The following CRYGD variants were observed in gnomAD, a reference collection of about 807,000 sequenced individuals.
CRYGD encodes crystallin gamma D, also known as gamma-crystallin D.
Under a neutral mutation model 11.3 loss-of-function variants are expected in CRYGD, and 13 were observed. The ratio of observed to expected loss-of-function variants is 1.15; its 90% CI spans 0.75 to 1.83. CRYGD has a LOEUF of 1.83. CRYGD is among the 40% of genes most tolerant of loss of function. The probability of loss-of-function intolerance (pLI) is 0.00; values close to 1 mark genes in which losing one functional copy is unlikely to be tolerated. For missense variants in CRYGD, 231 were observed against 229.9 expected, an observed-to-expected ratio of 1.00 and a Z score of -0.03; for synonymous variants, 77 against 89.5, an observed-to-expected ratio of 0.86 and a Z score of 0.79.
In CRYGD at chr2:208,122,078, A is replaced by G; in HGVS notation, c.253-133T>C. ...CATGGTAAAATTTAATTAATTCTGA[A>G]TATTTATAAACTCCTCATTACCGAG... On this transcript the variant is annotated intron_variant, in intron 2 of 2. Coordinates refer to ENST00000264376, the MANE Select transcript of CRYGD (RefSeq NM_006891.4). The G allele has an allele frequency of 4.7e-6, 6 of 1,284,138 alleles. No homozygotes were observed. The South Asian group carries it at 7.6e-5, about 16-fold the overall frequency. The allele number at this position is 1,284,138 out of a possible 1,614,324, so 79.5% of individuals were successfully genotyped here. A position where few individuals can be genotyped will look rare whatever the true frequency, so the allele number is the denominator to read the frequency against.
chr2:208,121,987 A>G, intron 2 of CRYGD, 42 bp from the exon 3 acceptor site: 2 of 1,612,734 alleles, frequency 1.2e-6, no homozygotes, highest in Non-Finnish European at 1.7e-6. Flanking sequence ...AGCAAGTGTG[A>G]AATGATTCCA....
chr2:208,123,088 A>C (rs1171828495), intron 2 of CRYGD, among the ~76,000 whole-genome samples: 1 of 148,112 alleles, frequency 6.8e-6, no homozygotes, highest in African/African-American at 2.5e-5. Flanking sequence ...ACAACAACAA[A>C]AATATATATA....
intron 2 of CRYGD, 98 bp downstream of exon 2, chr2:208,124,014 T>C (rs1321934057): frequency 6.4e-7 from 1 of 1,560,176 alleles, no homozygotes; most frequent in African/African-American, 1.4e-5. Flanking sequence ...CCACTCTCAG[T>C]TATTGTGACT....
chr2:208,124,388 C>T (rs1694938263), intron 1 of CRYGD, 34 bp from the exon 2 acceptor site: 4 of 1,608,930 alleles, frequency 2.5e-6, no homozygotes, highest in Non-Finnish European at 3.4e-6. Context: ...CGAGGTCTCA[C>T]AGGCCTGCTC....
At chr2:208,122,811 C>A (rs912227010) in intron 2 of CRYGD, among the ~76,000 whole-genome samples, 1 of 150,562 alleles carries the variant, frequency 6.6e-6, no homozygotes, top group Non-Finnish European at 1.5e-5. Flanking sequence ...CGAGATCATG[C>A]CACTGCACTC....
At position 208,121,944 on chromosome 2, in the gene CRYGD, G is replaced by C; in HGVS notation, c.254C>G (p.Ser85Cys). Residue 85 changes from serine (S) to cysteine (C), a missense_variant and splice_region_variant, in exon 3 of 3, where the codon TCT (serine) becomes TGT (cysteine). Physicochemically the swap from Ser to Cys is moderately radical, Grantham distance 112. Transcript: ENST00000264376. ...ATAGAGTCTGATCCTGTGAGAGCCA[G>C]ACTGGCGGACCCAGAAATAAAAAGA... ...SVRSCRLIPH[S>C]GSHRIRLYER... 1 of 1,614,154 alleles carries C rather than the reference G, an allele frequency of 6.2e-7. No individual in the cohort carries two copies. Among genetic ancestry groups the C allele is most frequent in the Non-Finnish European group, 8.5e-7 (1 of 1,180,026 alleles).
chr2:208,124,486 G>T lies in CRYGD; in HGVS notation c.-13C>A. The T allele has an allele frequency of 1.3e-6, 2 of 1,566,070 alleles. No homozygotes were observed. Among genetic ancestry groups the T allele is most frequent in the African/African-American group, 2.7e-5 (2 of 74,256 alleles). ...TCACCTTCCCCATGGCTGGCTGGGC[G>T]CACGGCGGTGCTGAGCTGGTGGGGC... is the stretch of plus-strand genomic sequence containing the variant. On this transcript the variant is annotated 5_prime_UTR_variant, in exon 1 of 3. Coordinates refer to ENST00000264376, the MANE Select transcript of CRYGD (RefSeq NM_006891.4).
chr2:208,122,341 T>C (rs1486392724), intron 2 of CRYGD, among the ~76,000 whole-genome samples: 1 of 148,470 alleles, frequency 6.7e-6, no homozygotes, highest in African/African-American at 2.4e-5. Context: ...AAATAATGTA[T>C]AATTTTAATA....
At chr2:208,123,166 T>A (rs995379771) in intron 2 of CRYGD, among the ~76,000 whole-genome samples, 4 of 146,894 alleles carry the variant, frequency 2.7e-5, no homozygotes, top group African/African-American at 9.9e-5. Flanking sequence ...ATGTTAAATA[T>A]ATTTAAAATA....
intron 2 of CRYGD, among the ~76,000 whole-genome samples, chr2:208,122,164 C>T (rs1375576695): frequency 6.6e-6 from 1 of 152,090 alleles, no homozygotes; most frequent in Non-Finnish European, 1.5e-5. Context: ...AGAAGGAAAT[C>T]TCACTCTTTA....
intron 2 of CRYGD, among the ~76,000 whole-genome samples, chr2:208,123,115 A>T (rs1008560067): frequency 6.8e-6 from 1 of 147,780 alleles, no homozygotes; most frequent in African/African-American, 2.4e-5. Flanking sequence ...CATATAATGT[A>T]AATGAAATAT....
intron 2 of CRYGD, 72 bp from the exon 3 acceptor site, chr2:208,122,017 A>C: frequency 6.2e-7 from 1 of 1,607,664 alleles, no homozygotes. Flanking sequence ...TAGGCAGTCC[A>C]GCTTGGTGAG....
intron 2 of CRYGD, among the ~76,000 whole-genome samples, chr2:208,122,415 A>T (rs962516348): frequency 2.0e-5 from 3 of 147,878 alleles, no homozygotes; most frequent in African/African-American, 7.3e-5. Flanking sequence ...TAAAATGTAT[A>T]AAATTATATT....
rs763013671 is a variant in CRYGD at position 208,121,910 on chromosome 2, C to T, written c.288G>A (p.Glu96=). Residue 96 remains glutamate, a synonymous_variant, in exon 3 of 3, where the codon GAG becomes GAA. Coordinates refer to ENST00000264376, the MANE Select transcript of CRYGD (RefSeq NM_006891.4). Reference sequence around the variant, plus strand: ...ACTCTATCATCTGGCCTCTGTAGTCCTCTCTCTCATAGAGTCTGATCCTGT... The same window carrying T: ...ACTCTATCATCTGGCCTCTGTAGTCTTCTCTCTCATAGAGTCTGATCCTGT... ...GSHRIRLYER[E]DYRGQMIEFT... The T allele has an allele frequency of 1.8e-5, 29 of 1,614,008 alleles. No individual in the cohort carries two copies. Among genetic ancestry groups the T allele is most frequent in the Non-Finnish European group, 2.3e-5 (27 of 1,180,028 alleles).
At position 208,124,249 on chromosome 2, in the gene CRYGD, C is replaced by G. The variant is rs764500407; in HGVS notation, c.115G>C (p.Asp39His). 6.2e-7 allele frequency: 1 copy of G among 1,612,470 alleles called. No homozygotes were observed. The highest frequency in any genetic ancestry group is 1.1e-5 in the South Asian group (1 of 91,004). The change falls in exon 2 of 3, where the codon GAC becomes CAC. Residue 39 changes from aspartate to histidine, a missense_variant. Physicochemically the swap from Asp to His is moderately conservative, Grantham distance 81 (BLOSUM62 -1). Transcript: ENST00000264376. ...TCATAGAGCATCCAGCAGCCGCTGT[C>G]CACGCGCGCCGAGTTGCAGCGGCTC... ...YLSRCNSARV[D>H]SGCWMLYEQP...
intron 2 of CRYGD, among the ~76,000 whole-genome samples, chr2:208,122,991 G>A (rs898374601): frequency 1.0e-4 from 15 of 149,776 alleles, no homozygotes; most frequent in African/African-American, 2.4e-4. Flanking sequence ...TCCAGGAGGC[G>A]GAGGTTGCAG....
chr2:208,123,336 T>G (rs1243031577), intron 2 of CRYGD, among the ~76,000 whole-genome samples: 1 of 146,850 alleles, frequency 6.8e-6, no homozygotes, highest in African/African-American at 2.5e-5. Context: ...ATTAAATATA[T>G]CATTTAATAT....
chr2:208,122,856 AAATAAT>A (rs1405217557), intron 2 of CRYGD, among the ~76,000 whole-genome samples: 1 of 150,328 alleles, frequency 6.7e-6, no homozygotes, highest in Non-Finnish European at 1.5e-5. Context: ...TCGTCAAAAA[AAATAAT>A]AATAATAAAT....
chr2:208,121,913 T>G lies in CRYGD; in HGVS notation c.285A>C (p.Arg95Ser), dbSNP rs2305430. 1 of 1,614,054 alleles carries G rather than the reference T, an allele frequency of 6.2e-7. No homozygotes were observed. The highest frequency in any genetic ancestry group is 8.5e-7 in the Non-Finnish European group (1 of 1,180,024). Reference sequence around the variant, plus strand: ...CTATCATCTGGCCTCTGTAGTCCTCTCTCTCATAGAGTCTGATCCTGTGAG... The same window carrying G: ...CTATCATCTGGCCTCTGTAGTCCTCGCTCTCATAGAGTCTGATCCTGTGAG... ...SGSHRIRLYE[R>S]EDYRGQMIEF... Residue 95 changes from arginine to serine, a missense_variant, in exon 3 of 3, where the codon AGA (arginine) becomes AGC (serine). Arg to Ser is a moderately radical substitution (Grantham distance 110). Coordinates refer to ENST00000264376, the MANE Select transcript of CRYGD (RefSeq NM_006891.4).
Sources: allele counts gnomAD v4.1 joint callset (sites outside exome capture counted in the v4.1 genomes callset), GRCh38; gene constraint gnomAD v4.1.1; transcripts MANE v1.5; gene names NCBI Gene and HGNC (gene_info 2026-07-23, HGNC 2026-07-21).